The following MED13 variants were observed in gnomAD, a reference collection of about 807,000 sequenced individuals.
The protein encoded by MED13 is mediator of RNA polymerase II transcription subunit 13.
Under a neutral mutation model 225.2 loss-of-function variants are expected in MED13, and 23 were observed. The ratio of observed to expected loss-of-function variants is 0.10; its 90% CI spans 0.07 to 0.14. The LOEUF (loss-of-function observed/expected upper bound fraction) is 0.14. Among genes scored for constraint, MED13 ranks in the 10% least tolerant of loss-of-function variants. The probability of loss-of-function intolerance (pLI) is 1.00; values close to 1 mark genes in which losing one functional copy is unlikely to be tolerated. For synonymous variants in MED13, 942 were observed against 889.2 expected (o/e 1.06, Z -1.06); for missense variants, 2,197 against 2,594.5 (o/e 0.85, Z 3.33).
In MED13 at chr17:62,033,931, T is replaced by C. The variant is rs1248478907; in HGVS notation, c.670A>G (p.Met224Val). ...AATTTTTTTGTAGCTGAATCAGACA[T>C]CTTGAATGCCTGTCCTGTGAGAGTG... ...NGTLTGQAFKMSDSATKKLIG... is the reference protein window; with the variant it reads ...NGTLTGQAFKVSDSATKKLIG... The change falls in exon 5 of 30, where the codon ATG becomes GTG. Residue 224 changes from methionine (M) to valine (V), a missense_variant. Met to Val is a conservative substitution (Grantham distance 21). Around this residue, in one of 12 missense-constraint regions of MED13, gnomAD observed 884 missense variants for 918.5 expected, o/e 0.96. Transcript: ENST00000397786. 12 of 1,614,030 alleles carry C rather than the reference T, an allele frequency of 7.4e-6. No homozygotes were observed. The highest frequency in any genetic ancestry group is 1.0e-5 in the Non-Finnish European group (12 of 1,180,024).
At chr17:61,988,553 T>G (rs946934359) in intron 11 of MED13, among the ~76,000 whole-genome samples, 2 of 152,156 alleles carry the variant, frequency 1.3e-5, no homozygotes, top group Non-Finnish European at 2.9e-5. Context: ...TCTAAGATAC[T>G]TACTAAAAAC....
At chr17:62,036,482 G>A (rs893542537) in intron 3 of MED13, among the ~76,000 whole-genome samples, 1 of 152,158 alleles carries the variant, frequency 6.6e-6, no homozygotes, top group African/African-American at 2.4e-5. Flanking sequence ...TGTACACTAA[G>A]AAAATAAACT....
intron 3 of MED13, among the ~76,000 whole-genome samples, chr17:62,048,043 C>CATATACATATATATATATAT (rs776069700): frequency 1.3e-4 from 17 of 131,122 alleles, no homozygotes; most frequent in East Asian, 5.0e-4. Context: ...TATACATATA[C>CATATACATATATATATATAT]ATATATATAT....
intron 8 of MED13, among the ~76,000 whole-genome samples, chr17:62,028,019 A>T (rs932438159): frequency 1.3e-5 from 2 of 152,192 alleles, no homozygotes; most frequent in Non-Finnish European, 2.9e-5. Context: ...AAGAGCTACA[A>T]CTACCATCCG....
chr17:61,993,196 C>CT (rs1267367816), intron 10 of MED13, among the ~76,000 whole-genome samples: 9,383 of 125,920 alleles, frequency 0.075, 1,635 homozygotes, highest in African/African-American at 0.31. Context: ...TTCTTTCTTT[C>CT]TTTCTTTTTT....
intron 25 of MED13, 31 bp downstream of exon 25, chr17:61,955,649 T>A (rs1383593549): frequency 1.3e-6 from 2 of 1,575,284 alleles, no homozygotes; most frequent in Non-Finnish European, 1.7e-6. Context: ...GCATAAAGAA[T>A]TAAATCTGAT....
chr17:62,051,407 A>G (rs1181007650), intron 3 of MED13, among the ~76,000 whole-genome samples: 3 of 152,188 alleles, frequency 2.0e-5, no homozygotes, highest in African/African-American at 4.8e-5. Context: ...TACCAGTACT[A>G]AACTATCGAC....
chr17:61,960,470 G>A (rs187884577), intron 23 of MED13, among the ~76,000 whole-genome samples: 37 of 152,054 alleles, frequency 2.4e-4, no homozygotes, highest in African/African-American at 6.5e-4. Flanking sequence ...ATTTTAAATC[G>A]CCAATTTTAG....
At chr17:62,001,542 C>T (rs1197838973) in intron 9 of MED13, among the ~76,000 whole-genome samples, 3 of 152,164 alleles carry the variant, frequency 2.0e-5, no homozygotes, top group Admixed American at 6.5e-5. Flanking sequence ...GGATAATATA[C>T]AAACTTATGA....
chr17:61,961,078 T>C lies in MED13; in HGVS notation c.5269A>G (p.Ile1757Val). 6.2e-7 allele frequency: 1 copy of C among 1,612,958 alleles called. No homozygotes were observed. Among genetic ancestry groups the C allele is most frequent in the Non-Finnish European group, 8.5e-7 (1 of 1,179,110 alleles). ...ATAAAAGGAGGTGCATAAAGTCGAA[T>C]ACACTCTGGTCTCTATAAAATAAAA... Reference protein sequence around the residue: ...ALRSPDRPECIRLYAPPFILA... With the variant: ...ALRSPDRPECVRLYAPPFILA... The change falls in exon 23 of 30, where the codon ATT (isoleucine) becomes GTT (valine). Residue 1757 changes from isoleucine to valine, a missense_variant. Physicochemically the swap from Ile to Val is conservative, Grantham distance 29 (BLOSUM62 3). Coordinates refer to ENST00000397786, the MANE Select transcript of MED13 (RefSeq NM_005121.3).
chr17:61,984,236 C>G lies in MED13; in HGVS notation c.2823G>C (p.Gln941His), dbSNP rs1468841868. The change falls in exon 15 of 30, where the codon CAG becomes CAC. Residue 941 changes from glutamine to histidine, a missense_variant. By Grantham distance (24) the Gln-to-His change is conservative. Around this residue, in one of 12 missense-constraint regions of MED13, gnomAD observed 160 missense variants for 184.8 expected, o/e 0.87. Coordinates refer to ENST00000397786, the MANE Select transcript of MED13 (RefSeq NM_005121.3). ...IKLPEECIYR[Q>H]SWTVGKLELL... ...ATTCCAATTTTCCAACAGTCCAACT[C>G]TGACGGTAAATACACTCTTCTGGCA... The G allele has an allele frequency of 6.2e-7, 1 of 1,609,848 alleles. No homozygotes were observed. The highest frequency in any genetic ancestry group is 1.7e-5 in the Admixed American group (1 of 58,908).
At chr17:61,990,650 T>TATATATACAC (rs1491124278) in intron 11 of MED13, among the ~76,000 whole-genome samples, 41 of 141,172 alleles carry the variant, frequency 2.9e-4, no homozygotes, top group African/African-American at 1.0e-3. Context: ...TATATATATA[T>TATATATACAC]ACACACTCCC....
At chr17:61,970,062 C>T (rs2080093658) in intron 17 of MED13, among the ~76,000 whole-genome samples, 1 of 152,116 alleles carries the variant, frequency 6.6e-6, no homozygotes, top group South Asian at 2.1e-4. Context: ...TAATAGCAAA[C>T]AATGATAATT....
Position 61,946,043 on chromosome 17 carries a change from G to C in MED13, c.*425C>G, listed in dbSNP as rs931301826. ...ACAATAAATAAGAGAAGAGATGCAG[G>C]CATTTTTGAATACTAGATACTATAA... On this transcript the variant is annotated 3_prime_UTR_variant, in exon 30 of 30. Transcript: ENST00000397786. The C allele has an allele frequency of 6.6e-6, 1 of 152,552 alleles. No individual in the cohort carries two copies. Among genetic ancestry groups the C allele is most frequent in the Non-Finnish European group, 1.5e-5 (1 of 68,332 alleles). The allele number at this position is 152,552 out of a possible 1,614,324, so 9.4% of individuals were successfully genotyped here. A position where few individuals can be genotyped will look rare whatever the true frequency, so the allele number is the denominator to read the frequency against.
intron 5 of MED13, among the ~76,000 whole-genome samples, chr17:62,033,473 CA>C (rs1275667495): frequency 3.3e-5 from 5 of 152,228 alleles, no homozygotes; most frequent in African/African-American, 7.2e-5. Flanking sequence ...GCAGATGTAA[CA>C]TACACCATAT....
Position 62,064,284 on chromosome 17 carries a change from G to A in MED13, c.66+856C>T, listed in dbSNP as rs139468917. Among the ~76,000 whole-genome samples the A allele has an allele frequency of 1.2e-3, 184 of 152,280 alleles. 2 individuals are homozygous for A. The highest frequency in any genetic ancestry group is 6.0e-3 in the East Asian group (31 of 5,182). ...ACAGGACAAGTTATTTGCAACAGTT[G>A]GTACTTCTGAAAGCCTTAACTGTTG... On this transcript the variant is annotated intron_variant, in intron 1 of 29. Coordinates refer to ENST00000397786, the MANE Select transcript of MED13 (RefSeq NM_005121.3).
Position 61,965,064 on chromosome 17 carries a change from C to T in MED13, c.4786G>A (p.Gly1596Arg). Reference protein sequence around the residue: ...GQQTSALQTAGISGESSSLPT... With the variant: ...GQQTSALQTARISGESSSLPT... The stretch of plus-strand genomic sequence containing the variant: ...AGTGAAGATGATTCTCCAGAAATCC[C>T]AGCTGTCTGTAGAGCTGATGTCTGT... The change falls in exon 20 of 30, where the codon GGG becomes AGG. Residue 1596 changes from glycine (G) to arginine (R), a missense_variant. By Grantham distance (125) the Gly-to-Arg change is moderately radical. Around this residue, in one of 12 missense-constraint regions of MED13, gnomAD observed 457 missense variants for 442.2 expected, o/e 1.03. Transcript: ENST00000397786. 2 of 1,614,128 alleles carry T rather than the reference C, an allele frequency of 1.2e-6. No homozygotes were observed. Among genetic ancestry groups the T allele is most frequent in the Non-Finnish European group, 1.7e-6 (2 of 1,179,982 alleles).
At chr17:62,052,469 A>C in intron 3 of MED13, 68 bp downstream of exon 3, 1 of 1,224,408 alleles carries the variant, frequency 8.2e-7, no homozygotes, top group Non-Finnish European at 1.1e-6. Context: ...TTTATCCCAC[A>C]TTCTCTGTTA....
Position 61,951,557 on chromosome 17 carries a change from CATT to C in MED13, c.6118-562_6118-560del, listed in dbSNP as rs748519792. Among the ~76,000 whole-genome samples the C allele has an allele frequency of 1.9e-4, 29 of 152,080 alleles. No homozygotes were observed. In the South Asian group the frequency reaches 2.9e-3, roughly 15 times the overall value. On this transcript the variant is annotated intron_variant, in intron 27 of 29. Coordinates refer to ENST00000397786, the MANE Select transcript of MED13 (RefSeq NM_005121.3). ...ATATGCATGAAAACGTTCATTACAT[CATT>C]ATCTATAACAAAAAAAAATCTTACA...
Sources: allele counts gnomAD v4.1 joint callset (sites outside exome capture counted in the v4.1 genomes callset), GRCh38; gene constraint gnomAD v4.1.1; regional missense constraint gnomAD v4.1.1; transcripts MANE v1.5; gene names NCBI Gene and HGNC (gene_info 2026-07-23, HGNC 2026-07-21).